VPS13B: variants seen among roughly 807,000 people sequenced by gnomAD.
The protein encoded by VPS13B is vacuolar protein sorting 13 homolog B.
A neutral mutation model predicts 426.4 loss-of-function variants in VPS13B; 285 were observed. The observed-to-expected ratio is 0.67, with a 90% confidence interval of 0.61 to 0.74. VPS13B has a LOEUF of 0.74. Among genes scored for constraint, VPS13B ranks in the 30% least tolerant of loss-of-function variants. The pLI is 0.00. For missense variants in VPS13B, 4,537 were observed against 4,782.6 expected (o/e 0.95, Z 1.51); for synonymous variants, 1,676 against 1,676.4 (o/e 1.00, Z 0.01).
intron 17 of VPS13B, 116 bp from the exon 18 acceptor site, chr8:99,274,082 G>T: frequency 7.1e-7 from 1 of 1,412,328 alleles, no homozygotes; most frequent in South Asian, 1.2e-5. Flanking sequence ...CACAAATACT[G>T]TAAGAACATC....
At chr8:99,076,670 G>A (rs1445054040) in intron 3 of VPS13B, among the ~76,000 whole-genome samples, 1 of 146,148 alleles carries the variant, frequency 6.8e-6, no homozygotes, top group Non-Finnish European at 1.5e-5. Flanking sequence ...TCTAGGTGTA[G>A]CTACTTCTGT....
intron 33 of VPS13B, among the ~76,000 whole-genome samples, chr8:99,605,708 G>C (rs1827535020): frequency 6.6e-6 from 1 of 152,182 alleles, no homozygotes; most frequent in Admixed American, 6.5e-5. Context: ...CTCTCTATCT[G>C]TGATAATTCC....
At chr8:99,023,363 T>G (rs1841991524) in intron 2 of VPS13B, among the ~76,000 whole-genome samples, 1 of 152,220 alleles carries the variant, frequency 6.6e-6, no homozygotes, top group African/African-American at 2.4e-5. Context: ...TGTGCTTGAC[T>G]TATTTCACAT....
At position 99,778,799 on chromosome 8, in the gene VPS13B, C is replaced by A; in HGVS notation, c.7547C>A (p.Ser2516Tyr). The A allele has an allele frequency of 6.2e-7, 1 of 1,613,980 alleles. No homozygotes were observed. The highest frequency in any genetic ancestry group is 1.1e-5 in the South Asian group (1 of 91,076). The change falls in exon 42 of 62, where the codon TCT (serine) becomes TAT (tyrosine). Residue 2516 changes from serine (S) to tyrosine (Y), a missense_variant. Ser to Tyr is a moderately radical substitution (Grantham distance 144). This residue lies in a region of VPS13B where 4,311 missense variants were observed against 4,474.3 expected (regional missense o/e 0.96). Transcript: ENST00000357162. ...TATCTTCGACAGTGGAATAATGGTT[C>A]TGTCTGTCAGGAGATCCAGTTCTTA... ...HMYLRQWNNG[S>Y]VCQEIQFLAQ... is the part of the protein sequence containing the mutation.
intron 17 of VPS13B, among the ~76,000 whole-genome samples, chr8:99,249,425 TG>T (rs1817387412): frequency 9.2e-6 from 1 of 109,174 alleles, no homozygotes; most frequent in East Asian, 2.4e-4. Context: ...GGTAGTTGAA[TG>T]GTTTTTTTTT....
chr8:99,535,765 A>G (rs562530331), intron 30 of VPS13B, among the ~76,000 whole-genome samples: 39 of 152,256 alleles, frequency 2.6e-4, no homozygotes, highest in Non-Finnish European at 5.0e-4. Flanking sequence ...TTGGTAGTGC[A>G]AAGATAATCA....
intron 16 of VPS13B, among the ~76,000 whole-genome samples, chr8:99,183,855 TCAA>T (rs1357966299): frequency 1.3e-5 from 2 of 152,176 alleles, no homozygotes; most frequent in Non-Finnish European, 2.9e-5. Flanking sequence ...TGAGCATTCA[TCAA>T]CATAATCATG....
chr8:99,485,705 T>C (rs955454489), intron 25 of VPS13B, among the ~76,000 whole-genome samples: 2 of 152,232 alleles, frequency 1.3e-5, no homozygotes, highest in Non-Finnish European at 2.9e-5. Context: ...GAAAATATTC[T>C]TATAATCAAC....
intron 3 of VPS13B, among the ~76,000 whole-genome samples, chr8:99,055,242 TC>T (rs1843786179): frequency 6.6e-6 from 1 of 152,120 alleles, no homozygotes; most frequent in African/African-American, 2.4e-5. Context: ...TTGTGCCATG[TC>T]GCCTAGGCTG....
chr8:99,402,820 A>G (rs943497421), intron 21 of VPS13B, among the ~76,000 whole-genome samples: 1 of 152,224 alleles, frequency 6.6e-6, no homozygotes, highest in Admixed American at 6.5e-5. Context: ...AAGGAGGGAA[A>G]TAAGTCTCAT....
intron 3 of VPS13B, among the ~76,000 whole-genome samples, chr8:99,045,955 C>T (rs969720480): frequency 6.6e-6 from 1 of 152,006 alleles, no homozygotes; most frequent in African/African-American, 2.4e-5. Flanking sequence ...ATGGCCTTAT[C>T]ATATTGCTTG....
intron 21 of VPS13B, among the ~76,000 whole-genome samples, chr8:99,428,224 T>A (rs190302106): frequency 6.6e-6 from 1 of 152,184 alleles, no homozygotes; most frequent in Non-Finnish European, 1.5e-5. Context: ...GACATAGGCA[T>A]GGGCAAGGTC....
chr8:99,204,732 TG>T (rs767800386), intron 17 of VPS13B, among the ~76,000 whole-genome samples: 66 of 152,238 alleles, frequency 4.3e-4, no homozygotes, highest in Non-Finnish European at 6.3e-4. Context: ...GACATTTATG[TG>T]GCCAAGAAAC....
chr8:99,693,361 A>T (rs1245465184), intron 35 of VPS13B, among the ~76,000 whole-genome samples: 4 of 150,828 alleles, frequency 2.7e-5, no homozygotes, highest in Non-Finnish European at 5.9e-5. Flanking sequence ...TCAAGTGGGC[A>T]TCATCCCTGG....
At chr8:99,664,519 T>A (rs370836630) in intron 35 of VPS13B, among the ~76,000 whole-genome samples, 52 of 151,998 alleles carry the variant, frequency 3.4e-4, no homozygotes, top group Middle Eastern at 3.4e-3. Context: ...TTCCTGTGTC[T>A]ATGTGTTCTC....
At chr8:99,664,270 G>A (rs1386108385) in intron 35 of VPS13B, among the ~76,000 whole-genome samples, 1 of 151,386 alleles carries the variant, frequency 6.6e-6, no homozygotes, top group Admixed American at 6.6e-5. Flanking sequence ...CTCCCAAAGT[G>A]CTGGGATTAC....
chr8:99,782,928 T>C (rs542564556), intron 42 of VPS13B, among the ~76,000 whole-genome samples: 4 of 152,278 alleles, frequency 2.6e-5, no homozygotes, highest in South Asian at 4.1e-4. Flanking sequence ...AGTGTGACTA[T>C]GAAGCAAGGT....
intron 19 of VPS13B, among the ~76,000 whole-genome samples, chr8:99,360,490 T>C (rs1370360690): frequency 1.3e-5 from 2 of 151,538 alleles, no homozygotes; most frequent in African/African-American, 4.8e-5. Flanking sequence ...TGTTAGCCAG[T>C]ATGGTCTCGA....
chr8:99,104,498 G>A (rs1159660575), intron 5 of VPS13B, among the ~76,000 whole-genome samples: 2 of 152,026 alleles, frequency 1.3e-5, no homozygotes, highest in East Asian at 3.9e-4. Context: ...TATGTTTTAG[G>A]CTTGTGTGTT....
Sources: allele counts gnomAD v4.1 joint callset (sites outside exome capture counted in the v4.1 genomes callset), GRCh38; gene constraint gnomAD v4.1.1; regional missense constraint gnomAD v4.1.1; transcripts MANE v1.5; gene names NCBI Gene and HGNC (gene_info 2026-07-23, HGNC 2026-07-21).